CCDC73: variants seen among roughly 807,000 people sequenced by gnomAD.
CCDC73 encodes coiled-coil domain-containing protein 73.
A neutral mutation model predicts 116.5 loss-of-function variants in CCDC73; 95 were observed. That is an observed-to-expected ratio of 0.82 (90% confidence interval 0.69 to 0.97). The LOEUF (loss-of-function observed/expected upper bound fraction) is 0.97. Ranked by LOEUF, CCDC73 falls within the 50% of genes least tolerant of loss-of-function variation. The pLI, the probability that CCDC73 is intolerant of heterozygous loss-of-function variation, is 0.00. For synonymous variants in CCDC73, 398 were observed against 401.3 expected, an observed-to-expected ratio of 0.99 and a Z score of 0.10; for missense variants, 1,066 against 1,206.8, an observed-to-expected ratio of 0.88 and a Z score of 1.73.
intron 14 of CCDC73, among the ~76,000 whole-genome samples, chr11:32,631,055 G>A (rs866634435): frequency 9.9e-5 from 15 of 152,130 alleles, no homozygotes; most frequent in African/African-American, 3.6e-4. Flanking sequence ...AAATCATATA[G>A]CTAATAACAG....
chr11:32,700,202 AT>A (rs1251628979), intron 5 of CCDC73, among the ~76,000 whole-genome samples: 2 of 152,044 alleles, frequency 1.3e-5, no homozygotes, highest in Non-Finnish European at 2.9e-5. Context: ...ATATGGGAGA[AT>A]TTTTTACAGA....
chr11:32,769,156 C>G (rs1303234699), intron 1 of CCDC73, among the ~76,000 whole-genome samples: 1 of 152,130 alleles, frequency 6.6e-6, no homozygotes. Context: ...GTTAGTATTA[C>G]GTTGAAGATA....
At chr11:32,701,149 C>T (rs1421819341) in intron 4 of CCDC73, among the ~76,000 whole-genome samples, 1 of 152,110 alleles carries the variant, frequency 6.6e-6, no homozygotes, top group Admixed American at 6.5e-5. Flanking sequence ...CACCACCACA[C>T]CCAGTTCAAA....
chr11:32,689,470 GTA>G (rs990222468), intron 6 of CCDC73, among the ~76,000 whole-genome samples: 89 of 151,874 alleles, frequency 5.9e-4, no homozygotes, highest in African/African-American at 2.1e-3. Flanking sequence ...AGGAAGACTT[GTA>G]CACACCAATA....
intron 2 of CCDC73, among the ~76,000 whole-genome samples, chr11:32,734,381 A>C (rs1415616637): frequency 6.6e-6 from 1 of 151,898 alleles, no homozygotes; most frequent in East Asian, 1.9e-4. Flanking sequence ...AAACTATTCC[A>C]ATCAATAGAA....
intron 2 of CCDC73, among the ~76,000 whole-genome samples, chr11:32,734,765 C>A (rs1850113262): frequency 6.6e-6 from 1 of 152,112 alleles, no homozygotes; most frequent in African/African-American, 2.4e-5. Context: ...ATGCAGAAAT[C>A]CTCAATAAAA....
At chr11:32,812,204 T>A in the CCDC73 span, among the ~76,000 whole-genome samples, 2 of 152,250 alleles carry the variant, frequency 1.3e-5, no homozygotes, top group African/African-American at 4.8e-5. Flanking sequence ...TTTCTTCTCA[T>A]CAACAGTAGT....
chr11:32,629,921 C>CAAAAAAAAAAAAAAAA lies in CCDC73; in HGVS notation c.1185+5774_1185+5775insTTTTTTTTTTTTTTTT, dbSNP rs367693675. ...GCTGGAAAGAATTCCAGCAGATATG[C>CAAAAAAAAAAAAAAAA]AAAAAAAAAAAAACAAAAAAAAAAC... On this transcript the variant is annotated intron_variant, in intron 14 of 17. Transcript: ENST00000335185. Among the ~76,000 whole-genome samples, 55 of 55,678 alleles carry CAAAAAAAAAAAAAAAA rather than the reference C, an allele frequency of 9.9e-4. 1 individual carries two copies. The highest frequency in any genetic ancestry group is 1.3e-3 in the Non-Finnish European group (33 of 24,680). The allele number at this position is 55,678 out of a possible 152,430, so 36.5% of individuals were successfully genotyped here. A position where few individuals can be genotyped will look rare whatever the true frequency, so the allele number is the denominator to read the frequency against.
chr11:32,659,159 C>T (rs1855899661), intron 9 of CCDC73, among the ~76,000 whole-genome samples: 1 of 152,100 alleles, frequency 6.6e-6, no homozygotes, highest in Non-Finnish European at 1.5e-5. Flanking sequence ...TTCTATGTAT[C>T]AGTCATGATT....
At chr11:32,755,339 G>T (rs1850323133) in intron 2 of CCDC73, among the ~76,000 whole-genome samples, 1 of 145,506 alleles carries the variant, frequency 6.9e-6, no homozygotes, top group Non-Finnish European at 1.5e-5. Flanking sequence ...ATCGAGGCCA[G>T]CCTGGCCAAC....
the CCDC73 span, among the ~76,000 whole-genome samples, chr11:32,810,743 G>GTC: frequency 6.6e-6 from 1 of 152,042 alleles, no homozygotes. Flanking sequence ...CTTAAGTCAA[G>GTC]TCTTTCTTTA....
intron 11 of CCDC73, among the ~76,000 whole-genome samples, chr11:32,653,587 C>T (rs1454536246): frequency 6.6e-6 from 1 of 152,038 alleles, no homozygotes; most frequent in Non-Finnish European, 1.5e-5. Context: ...GCTAGGGTGT[C>T]ATGGCATACA....
At chr11:32,692,049 C>CAAAA (rs1173539877) in intron 6 of CCDC73, among the ~76,000 whole-genome samples, 25 of 60,662 alleles carry the variant, frequency 4.1e-4, no homozygotes, top group African/African-American at 6.4e-4. Context: ...CTCCGTCTCA[C>CAAAA]AAAAAAAAAA....
At chr11:32,630,381 G>A (rs1452319370) in intron 14 of CCDC73, among the ~76,000 whole-genome samples, 2 of 135,914 alleles carry the variant, frequency 1.5e-5, no homozygotes, top group East Asian at 2.0e-4. Context: ...GTCTCGCTCT[G>A]TTGCCCAGGC....
At chr11:32,830,204 G>A in the CCDC73 span, 7 of 1,075,470 alleles carry the variant, frequency 6.5e-6, no homozygotes, top group South Asian at 2.7e-4. Context: ...ACCTCGGCGG[G>A]GAGGGGGTTA....
intron 14 of CCDC73, among the ~76,000 whole-genome samples, chr11:32,631,247 A>G (rs1443099879): frequency 2.0e-5 from 3 of 152,006 alleles, no homozygotes; most frequent in Non-Finnish European, 4.4e-5. Context: ...TCTAATTGCC[A>G]TTTATAAAAC....
At chr11:32,748,673 A>T (rs1308304227) in intron 2 of CCDC73, among the ~76,000 whole-genome samples, 3 of 152,186 alleles carry the variant, frequency 2.0e-5, no homozygotes, top group African/African-American at 4.8e-5. Context: ...ATGATTTCTT[A>T]TCACTGATTA....
At chr11:32,823,206 G>A in the CCDC73 span, among the ~76,000 whole-genome samples, 1 of 152,230 alleles carries the variant, frequency 6.6e-6, no homozygotes, top group Non-Finnish European at 1.5e-5. Flanking sequence ...GGGCATGGTG[G>A]CTCATGCCTG....
the CCDC73 span, chr11:32,829,795 T>G: frequency 2.0e-6 from 2 of 985,196 alleles, no homozygotes; most frequent in Non-Finnish European, 2.4e-6. Context: ...GGGCAGAAGC[T>G]GGGGCGGCTG....
Sources: allele counts gnomAD v4.1 joint callset (sites outside exome capture counted in the v4.1 genomes callset), GRCh38; gene constraint gnomAD v4.1.1; transcripts MANE v1.5; gene names NCBI Gene and HGNC (gene_info 2026-07-23, HGNC 2026-07-21).